ALCAM: variants seen among roughly 807,000 people sequenced by gnomAD.
ALCAM encodes activated leukocyte cell adhesion molecule.
Under a neutral mutation model 70.9 loss-of-function variants are expected in ALCAM, and 30 were observed. That is an observed-to-expected ratio of 0.42 (90% CI 0.32 to 0.57). ALCAM has a LOEUF of 0.57. Ranked by LOEUF, ALCAM falls within the 20% of genes least tolerant of loss-of-function variation. The pLI is 0.11. For missense variants in ALCAM, 591 were observed against 695.1 expected (o/e 0.85, Z 1.68); for synonymous variants, 249 against 242.5 (o/e 1.03, Z -0.25).
At chr3:105,494,582 T>TTGCTTTCTTTCC (rs1938683484) in intron 1 of ALCAM, among the ~76,000 whole-genome samples, 1 of 152,102 alleles carries the variant, frequency 6.6e-6, no homozygotes, top group Non-Finnish European at 1.5e-5. Context: ...CAATTCTTTC[T>TTGCTTTCTTTCC]TGCTTTCTTT....
intron 2 of ALCAM, among the ~76,000 whole-genome samples, chr3:105,521,301 C>A (rs1939534105): frequency 1.0e-5 from 1 of 97,648 alleles, no homozygotes; most frequent in Non-Finnish European, 2.1e-5. Flanking sequence ...GAGCGAGACT[C>A]CGTCTCAAAA....
chr3:105,488,388 T>G (rs1386735209), intron 1 of ALCAM, among the ~76,000 whole-genome samples: 1 of 152,060 alleles, frequency 6.6e-6, no homozygotes, highest in East Asian at 1.9e-4. Flanking sequence ...CAGGCAGAAA[T>G]GGAGACCAGG....
At chr3:105,483,730 T>A (rs1190538139) in intron 1 of ALCAM, among the ~76,000 whole-genome samples, 1 of 152,040 alleles carries the variant, frequency 6.6e-6, no homozygotes, top group African/African-American at 2.4e-5. Context: ...AAGAGAAGGA[T>A]CATGCAGGAG....
chr3:105,511,976 T>C (rs1232878879), intron 1 of ALCAM, among the ~76,000 whole-genome samples: 1 of 152,010 alleles, frequency 6.6e-6, no homozygotes, highest in Non-Finnish European at 1.5e-5. Flanking sequence ...CTAATACTAT[T>C]GAATATTACT....
intron 1 of ALCAM, among the ~76,000 whole-genome samples, chr3:105,374,483 A>G (rs1451996472): frequency 6.6e-6 from 1 of 152,090 alleles, no homozygotes; most frequent in Non-Finnish European, 1.5e-5. Context: ...GTCACTAAGA[A>G]ATCTTCTAAT....
chr3:105,471,935 T>C (rs1309447933), intron 1 of ALCAM, among the ~76,000 whole-genome samples: 1 of 151,362 alleles, frequency 6.6e-6, no homozygotes, highest in East Asian at 1.9e-4. Flanking sequence ...GACCAGCATC[T>C]TCCCAACCTT....
intron 1 of ALCAM, among the ~76,000 whole-genome samples, chr3:105,470,023 A>G (rs1329506092): frequency 6.7e-6 from 1 of 150,168 alleles, no homozygotes; most frequent in Non-Finnish European, 1.5e-5. Flanking sequence ...GCATGTATGT[A>G]TGGTATATTT....
At chr3:105,538,104 G>A (rs1940018913) in intron 6 of ALCAM, among the ~76,000 whole-genome samples, 1 of 152,050 alleles carries the variant, frequency 6.6e-6, no homozygotes, top group African/African-American at 2.4e-5. Flanking sequence ...AATATTCAAA[G>A]CGCTACTTCA....
At chr3:105,500,574 C>A (rs993845559) in intron 1 of ALCAM, among the ~76,000 whole-genome samples, 4 of 152,142 alleles carry the variant, frequency 2.6e-5, no homozygotes, top group Admixed American at 2.0e-4. Context: ...TTTCATATCA[C>A]CATGCCAAAC....
chr3:105,556,274 A>G (rs1178939171), intron 14 of ALCAM, among the ~76,000 whole-genome samples: 1 of 152,060 alleles, frequency 6.6e-6, no homozygotes, highest in Non-Finnish European at 1.5e-5. Flanking sequence ...TATTAGGACC[A>G]TAATTTCAAG....
At chr3:105,567,551 T>A (rs1417118502) in intron 14 of ALCAM, among the ~76,000 whole-genome samples, 1 of 152,200 alleles carries the variant, frequency 6.6e-6, no homozygotes, top group African/African-American at 2.4e-5. Context: ...TAATGCTTTC[T>A]TGTGCCACCT....
At chr3:105,572,026 G>A (rs1024854879) in intron 15 of ALCAM, 62 bp downstream of exon 15, 69 of 930,340 alleles carry the variant, frequency 7.4e-5, no homozygotes, top group Non-Finnish European at 1.1e-4. Flanking sequence ...CATCCTTAAA[G>A]ATGAAGTCCT....
At chr3:105,368,734 AGCT>A (rs1246201745) in intron 1 of ALCAM, among the ~76,000 whole-genome samples, 2 of 151,944 alleles carry the variant, frequency 1.3e-5, no homozygotes, top group African/African-American at 4.8e-5. Flanking sequence ...AGTGTTTGCG[AGCT>A]GCTGCTGCTG....
At chr3:105,526,210 A>G (rs983558919) in intron 3 of ALCAM, among the ~76,000 whole-genome samples, 1 of 152,086 alleles carries the variant, frequency 6.6e-6, no homozygotes, top group African/African-American at 2.4e-5. Flanking sequence ...CTGAGATGGT[A>G]ATATACAAGG....
At chr3:105,367,508 A>C in intron 1 of ALCAM, 27 bp downstream of exon 1, 1 of 1,613,314 alleles carries the variant, frequency 6.2e-7, no homozygotes, top group Non-Finnish European at 8.5e-7. Context: ...GAGCAGCCCC[A>C]GACAGACGTG....
At chr3:105,499,669 G>A (rs1938864965) in intron 1 of ALCAM, among the ~76,000 whole-genome samples, 1 of 152,184 alleles carries the variant, frequency 6.6e-6, no homozygotes, top group South Asian at 2.1e-4. Context: ...GCTGTTTGAT[G>A]TAATTGGTCT....
chr3:105,534,723 C>T lies in ALCAM; in HGVS notation c.608C>T (p.Ser203Phe), dbSNP rs1227441035. Reference protein sequence around the residue: ...DPVTQLYTMTSTLEYKTTKAD... With the variant: ...DPVTQLYTMTFTLEYKTTKAD... ...GTGACTCAGCTCTATACCATGACTT[C>T]CACCCTGGAGTACAAGACAACCAAG... Residue 203 changes from serine to phenylalanine, a missense_variant, in exon 6 of 16, where the codon TCC becomes TTC. This residue lies in a region of ALCAM where 427 missense variants were observed against 450.4 expected (regional missense o/e 0.95). Transcript: ENST00000306107. 6.2e-7 allele frequency: 1 copy of T among 1,613,802 alleles called. No individual in the cohort carries two copies. Among genetic ancestry groups the T allele is most frequent in the African/African-American group, 1.3e-5 (1 of 75,004 alleles).
intron 1 of ALCAM, among the ~76,000 whole-genome samples, chr3:105,394,542 C>T (rs1255703039): frequency 6.6e-6 from 1 of 151,946 alleles, no homozygotes; most frequent in African/African-American, 2.4e-5. Context: ...TGCCTTCCAG[C>T]TAGTCTGGCT....
intron 1 of ALCAM, among the ~76,000 whole-genome samples, chr3:105,494,084 T>A (rs999445381): frequency 2.6e-5 from 4 of 152,184 alleles, no homozygotes; most frequent in Non-Finnish European, 4.4e-5. Flanking sequence ...TTGTTTTCAT[T>A]TCCTCTACCG....
Sources: allele counts gnomAD v4.1 joint callset (sites outside exome capture counted in the v4.1 genomes callset), GRCh38; gene constraint gnomAD v4.1.1; regional missense constraint gnomAD v4.1.1; transcripts MANE v1.5; gene names NCBI Gene and HGNC (gene_info 2026-07-23, HGNC 2026-07-21).